KLRG1: variants seen among roughly 807,000 people sequenced by gnomAD.
KLRG1 encodes the protein killer cell lectin like receptor G1, also known as killer cell lectin-like receptor subfamily G member 1.
In KLRG1, 16 loss-of-function variants were observed where a neutral mutation model predicts 21.8. The observed-to-expected ratio is 0.73, with a 90% CI of 0.50 to 1.11. The LOEUF (loss-of-function observed/expected upper bound fraction) is 1.11. Among genes scored for constraint, KLRG1 ranks in the 50% most tolerant of loss-of-function variants. The probability of loss-of-function intolerance (pLI) is 0.00; values close to 1 mark genes in which losing one functional copy is unlikely to be tolerated. For missense variants in KLRG1, 173 were observed against 218.3 expected, an observed-to-expected ratio of 0.79 and a Z score of 1.31; for synonymous variants, 69 against 75.9, an observed-to-expected ratio of 0.91 and a Z score of 0.47.
the KLRG1 span, chr12:9,028,687 C>G: frequency 2.3e-6 from 1 of 443,120 alleles, no homozygotes; most frequent in South Asian, 1.8e-5. Context: ...CGTGATCCAC[C>G]CGCCTTGGCC....
At chr12:9,180,252 C>T in the KLRG1 span, among the ~76,000 whole-genome samples, 1 of 152,030 alleles carries the variant, frequency 6.6e-6, no homozygotes, top group African/African-American at 2.4e-5. Context: ...TCAATGCCAT[C>T]CCCATCAAGC....
chr12:9,144,320 C>T, the KLRG1 span, among the ~76,000 whole-genome samples: 6 of 152,052 alleles, frequency 3.9e-5, no homozygotes, highest in African/African-American at 1.4e-4. Context: ...GGAGAGTAGC[C>T]CCAGCCTGAG....
the KLRG1 span, among the ~76,000 whole-genome samples, chr12:9,029,855 C>T: frequency 1.7e-4 from 26 of 152,234 alleles, no homozygotes; most frequent in African/African-American, 5.3e-4. Flanking sequence ...CTCCTGGGTA[C>T]GAGCGATTCT....
At chr12:9,187,476 C>A in the KLRG1 span, among the ~76,000 whole-genome samples, 1 of 152,172 alleles carries the variant, frequency 6.6e-6, no homozygotes, top group African/African-American at 2.4e-5. Flanking sequence ...ATCATACACT[C>A]CACACTCTCG....
At chr12:9,160,533 A>C in the KLRG1 span, 1 of 1,569,724 alleles carries the variant, frequency 6.4e-7, no homozygotes, top group Non-Finnish European at 8.7e-7. Flanking sequence ...ATTTCAGTTC[A>C]TAAATAGCCA....
the KLRG1 span, chr12:9,069,668 TG>T: frequency 8.4e-6 from 9 of 1,072,318 alleles, no homozygotes; most frequent in Non-Finnish European, 1.2e-5. Flanking sequence ...GTTTCTAAAA[TG>T]CATTTACCTT....
the KLRG1 span, chr12:9,065,148 T>TCCACCCCCCCCCACCCCCCCCCCC: frequency 9.3e-5 from 1 of 10,780 alleles, no homozygotes. Flanking sequence ...AACATTCCCT[T>TCCACCCCCCCCCACCCCCCCCCCC]CCTCCCCCCC....
At chr12:9,136,117 T>C in the KLRG1 span, among the ~76,000 whole-genome samples, 1 of 152,168 alleles carries the variant, frequency 6.6e-6, no homozygotes, top group Non-Finnish European at 1.5e-5. Flanking sequence ...TCAGACTTTG[T>C]ATTGTGTTTT....
At chr12:9,116,134 C>T in the KLRG1 span, 26 of 396,554 alleles carry the variant, frequency 6.6e-5, no homozygotes, top group African/African-American at 2.9e-4. Context: ...TCACTTTTAC[C>T]GTACAGCAGC....
At chr12:9,154,797 G>T in the KLRG1 span, 5 of 1,614,150 alleles carry the variant, frequency 3.1e-6, no homozygotes, top group African/African-American at 4.0e-5. Context: ...ATGCCCCACT[G>T]GTGCCTTGGG....
the KLRG1 span, chr12:9,113,394 G>T: frequency 6.2e-7 from 1 of 1,613,446 alleles, no homozygotes; most frequent in South Asian, 1.1e-5. Context: ...GTCATTCTCC[G>T]CCTCCAGGTC....
the KLRG1 span, among the ~76,000 whole-genome samples, chr12:9,209,929 A>G: frequency 6.6e-6 from 1 of 152,146 alleles, no homozygotes; most frequent in African/African-American, 2.4e-5. Context: ...ACGACATTCT[A>G]TTGTATGAAT....
chr12:9,106,217 G>C, the KLRG1 span: 2 of 1,480,418 alleles, frequency 1.4e-6, no homozygotes, highest in South Asian at 2.3e-5. Context: ...GTTGATGAGT[G>C]AACTGGAAAA....
chr12:9,206,086 A>G, the KLRG1 span, among the ~76,000 whole-genome samples: 1 of 152,186 alleles, frequency 6.6e-6, no homozygotes, highest in Admixed American at 6.5e-5. Flanking sequence ...ACTGATAGTC[A>G]TTCAGCTAGT....
At chr12:9,090,429 C>G in the KLRG1 span, 2 of 1,614,024 alleles carry the variant, frequency 1.2e-6, no homozygotes, top group Non-Finnish European at 1.7e-6. Flanking sequence ...GCGCTTGTTC[C>G]TTCTCCACTG....
chr12:9,181,966 A>G, the KLRG1 span: 3 of 1,612,004 alleles, frequency 1.9e-6, no homozygotes, highest in East Asian at 6.7e-5. Context: ...TTTATGTTAA[A>G]TCGCTCACCT....
At chr12:9,197,051 A>G in the KLRG1 span, 4 of 1,613,640 alleles carry the variant, frequency 2.5e-6, no homozygotes, top group Admixed American at 1.7e-5. Context: ...GCTTGTCACA[A>G]TTAAGAACAC....
chr12:9,178,896 A>G, the KLRG1 span, among the ~76,000 whole-genome samples: 1 of 152,210 alleles, frequency 6.6e-6, no homozygotes, highest in African/African-American at 2.4e-5. Context: ...GGTCTCAGAT[A>G]TAGTTATCTC....
chr12:9,077,881 G>C, the KLRG1 span: 18 of 1,613,820 alleles, frequency 1.1e-5, 1 homozygote, highest in East Asian at 4.0e-4. Flanking sequence ...AAGCAATCAT[G>C]ATGTTTATGT....
Sources: allele counts gnomAD v4.1 joint callset (sites outside exome capture counted in the v4.1 genomes callset), GRCh38; gene constraint gnomAD v4.1.1; transcripts MANE v1.5; gene names NCBI Gene and HGNC (gene_info 2026-07-23, HGNC 2026-07-21).